PLEKHH2: variants seen among roughly 807,000 people sequenced by gnomAD.
PLEKHH2 encodes pleckstrin homology domain-containing family H member 2.
PLEKHH2 carries 129 observed loss-of-function variants against 187.9 expected under a neutral mutation model. The observed-to-expected ratio is 0.69, with a 90% confidence interval of 0.59 to 0.79. The LOEUF is 0.79. Among genes scored for constraint, PLEKHH2 ranks in the 30% least tolerant of loss-of-function variants. The probability of loss-of-function intolerance (pLI) is 0.00; values close to 1 mark genes in which losing one functional copy is unlikely to be tolerated. For missense variants in PLEKHH2, 2,076 were observed against 1,751.2 expected (o/e 1.19, Z -3.31); for synonymous variants, 686 against 605.6 (o/e 1.13, Z -1.95).
At chr2:43,739,063 G>A (rs903462572) in intron 20 of PLEKHH2, among the ~76,000 whole-genome samples, 1 of 152,002 alleles carries the variant, frequency 6.6e-6, no homozygotes, top group African/African-American at 2.4e-5. Flanking sequence ...GGCTAATTTT[G>A]CATTTTTAGC....
rs146738508 is a variant in PLEKHH2 at position 43,672,150 on chromosome 2, T to C, written c.124-6713T>C. ...TCTTCTTAAATGAGCTTTGCTATTT[T>C]GTCCAGTTTATGGGCATGAAGTATT... On this transcript the variant is annotated intron_variant, in intron 2 of 29. Coordinates refer to ENST00000282406, the MANE Select transcript of PLEKHH2 (RefSeq NM_172069.4). Among the ~76,000 whole-genome samples the C allele has an allele frequency of 4.6e-5, 7 of 152,354 alleles. No individual in the cohort carries two copies. In the East Asian group the frequency reaches 1.3e-3, roughly 29 times the overall value.
intron 2 of PLEKHH2, chr2:43,676,094 C>T (rs772335664): frequency 1.1e-5 from 18 of 1,613,666 alleles, no homozygotes; most frequent in Admixed American, 1.7e-5. Flanking sequence ...TCTTCGGATT[C>T]TCCAAAGATG....
intron 2 of PLEKHH2, 78 bp from the exon 3 acceptor site, chr2:43,678,785 A>T: frequency 1.1e-6 from 1 of 880,488 alleles, no homozygotes; most frequent in South Asian, 1.7e-5. Flanking sequence ...TAGAATTATG[A>T]GATTTTTAAA....
In PLEKHH2 at chr2:43,700,435, G is replaced by A. The variant is rs866038409; in HGVS notation, c.1477G>A (p.Asp493Asn). The A allele has an allele frequency of 7.4e-6, 12 of 1,614,104 alleles. No individual in the cohort carries two copies. Among genetic ancestry groups the A allele is most frequent in the Middle Eastern group, 1.6e-4 (1 of 6,062 alleles). Reference sequence around the variant, plus strand: ...TCAGGAAACTGATCTTGATCTAGTTGATGGAGACAGTACAGAAGTTTTAGA... The same window carrying A: ...TCAGGAAACTGATCTTGATCTAGTTAATGGAGACAGTACAGAAGTTTTAGA... ...RPQETDLDLV[D>N]GDSTEVLENM... The change falls in exon 8 of 30, where the codon GAT becomes AAT. Residue 493 changes from aspartate (D) to asparagine (N), a missense_variant. Asp to Asn is a conservative substitution (Grantham distance 23). Coordinates refer to ENST00000282406, the MANE Select transcript of PLEKHH2 (RefSeq NM_172069.4).
chr2:43,704,338 A>T lies in PLEKHH2; in HGVS notation c.1726+282A>T, dbSNP rs111894886. 4.2e-3 allele frequency among the ~76,000 whole-genome samples: 635 copies of T among 152,236 alleles called. 4 individuals are homozygous for T. The highest frequency in any genetic ancestry group is 0.015 in the African/African-American group (618 of 41,548). On this transcript the variant is annotated intron_variant, in intron 9 of 29. Coordinates refer to ENST00000282406, the MANE Select transcript of PLEKHH2 (RefSeq NM_172069.4). ...GTCTGTTTTACAACAGTGTGAATACACTTAACATTACTGAACTGTACAATT... is the reference window on the plus strand; with the variant it reads ...GTCTGTTTTACAACAGTGTGAATACTCTTAACATTACTGAACTGTACAATT...
chr2:43,693,459 G>C (rs1472963509), intron 4 of PLEKHH2, among the ~76,000 whole-genome samples: 1 of 152,060 alleles, frequency 6.6e-6, no homozygotes. Context: ...AAATGTATTA[G>C]TCACACCTGT....
At chr2:43,744,256 G>T in intron 23 of PLEKHH2, 1 of 627,650 alleles carries the variant, frequency 1.6e-6, no homozygotes, top group Non-Finnish European at 2.2e-6. Flanking sequence ...GGATAATAAG[G>T]GTAGATATGT....
intron 1 of PLEKHH2, 26 bp from the exon 2 acceptor site, chr2:43,644,641 ATTTT>A: frequency 6.8e-7 from 1 of 1,466,028 alleles, no homozygotes; most frequent in Non-Finnish European, 9.1e-7. Flanking sequence ...TTACTTTTTA[ATTTT>A]TTGTTTATTT....
intron 8 of PLEKHH2, among the ~76,000 whole-genome samples, chr2:43,701,792 A>G (rs1408142413): frequency 1.4e-5 from 2 of 147,524 alleles, no homozygotes; most frequent in Admixed American, 1.3e-4. Context: ...TTTGAGATGA[A>G]GTTTCACTCT....
chr2:43,711,167 T>A, intron 14 of PLEKHH2: 1 of 985,546 alleles, frequency 1.0e-6, no homozygotes, highest in African/African-American at 1.7e-5. Flanking sequence ...ATATGTAATT[T>A]AAAGTCAGAC....
intron 4 of PLEKHH2, 127 bp downstream of exon 4, chr2:43,692,790 G>T: frequency 9.7e-7 from 1 of 1,035,912 alleles, no homozygotes. Context: ...TCAACCCATA[G>T]GATTGCATCA....
At chr2:43,743,207 C>T (rs1453177041) in intron 22 of PLEKHH2, among the ~76,000 whole-genome samples, 4 of 152,174 alleles carry the variant, frequency 2.6e-5, no homozygotes, top group East Asian at 1.9e-4. Flanking sequence ...CCCATCAGTA[C>T]ACCTCCTAGG....
intron 4 of PLEKHH2, among the ~76,000 whole-genome samples, chr2:43,693,584 C>T (rs550256390): frequency 3.3e-5 from 5 of 151,986 alleles, no homozygotes; most frequent in East Asian, 1.9e-4. Context: ...ATTAGCCGGG[C>T]GTGGTGGCGG....
At chr2:43,653,239 C>A (rs1349792696) in intron 2 of PLEKHH2, among the ~76,000 whole-genome samples, 2 of 151,964 alleles carry the variant, frequency 1.3e-5, no homozygotes, top group African/African-American at 4.8e-5. Context: ...CAAGTTACAT[C>A]ATAATGAACG....
Position 43,700,567 on chromosome 2 carries a change from A to G in PLEKHH2, c.1609A>G (p.Ser537Gly). 1 of 1,612,808 alleles carries G rather than the reference A, an allele frequency of 6.2e-7. No individual in the cohort carries two copies. The highest frequency in any genetic ancestry group is 8.5e-7 in the Non-Finnish European group (1 of 1,179,936). ...TGACTCAGCAAAGAAGGTGGCATAC[A>G]GCAAACCTCCAACTCCTCCCCTGCA... is the stretch of plus-strand genomic sequence containing the variant. ...HCDSAKKVAYSKPPTPPLHRF... is the reference protein window; with the variant it reads ...HCDSAKKVAYGKPPTPPLHRF... Residue 537 changes from serine (S) to glycine (G), a missense_variant, in exon 8 of 30, where the codon AGC becomes GGC. Coordinates refer to ENST00000282406, the MANE Select transcript of PLEKHH2 (RefSeq NM_172069.4).
chr2:43,651,709 C>T (rs1030885466), intron 2 of PLEKHH2, among the ~76,000 whole-genome samples: 1 of 152,162 alleles, frequency 6.6e-6, no homozygotes, highest in Non-Finnish European at 1.5e-5. Flanking sequence ...ACTGAAATCC[C>T]AGCCATGAAC....
At chr2:43,706,187 A>G in intron 9 of PLEKHH2, 135 bp from the exon 10 acceptor site, 2 of 689,862 alleles carry the variant, frequency 2.9e-6, no homozygotes, top group Non-Finnish European at 5.1e-6. Context: ...TGTAAAGTAG[A>G]CTATACAGTT....
chr2:43,644,567 T>G, intron 1 of PLEKHH2, 104 bp from the exon 2 acceptor site: 1 of 902,532 alleles, frequency 1.1e-6, no homozygotes, highest in Non-Finnish European at 1.6e-6. Flanking sequence ...GTGATTATAA[T>G]GTGTACATTG....
intron 15 of PLEKHH2, among the ~76,000 whole-genome samples, chr2:43,714,267 A>T (rs1670107463): frequency 6.6e-6 from 1 of 152,194 alleles, no homozygotes; most frequent in Non-Finnish European, 1.5e-5. Flanking sequence ...CTGCTCCTAT[A>T]ACATTTCTGC....
Sources: gnomAD v4.1 joint callset for allele counts (sites outside exome capture counted in the v4.1 genomes callset) on GRCh38, gnomAD v4.1.1 for gene constraint, MANE v1.5 for transcripts, NCBI Gene and HGNC (gene_info 2026-07-23, HGNC 2026-07-21) for gene names.